Variants in MYRIP observed in about 807,000 individuals in gnomAD.
The protein encoded by MYRIP is myosin VIIA and Rab interacting protein.
A neutral mutation model predicts 98.0 loss-of-function variants in MYRIP; 49 were observed. The observed-to-expected ratio is 0.50, with a 90% CI of 0.40 to 0.63. The LOEUF (loss-of-function observed/expected upper bound fraction) is 0.63, where lower values mean the gene tolerates loss of function less well. Ranked by LOEUF, MYRIP falls within the 30% of genes least tolerant of loss-of-function variation. The pLI is 0.00. For missense variants in MYRIP, 1,004 were observed against 1,058.2 expected, an observed-to-expected ratio of 0.95 and a Z score of 0.71; for synonymous variants, 404 against 409.5, an observed-to-expected ratio of 0.99 and a Z score of 0.16.
At chr3:39,955,880 A>C (rs545295648) in intron 2 of MYRIP, among the ~76,000 whole-genome samples, 1 of 152,232 alleles carries the variant, frequency 6.6e-6, no homozygotes, top group Non-Finnish European at 1.5e-5. Context: ...TTGCAATCAT[A>C]GTTTCTGATA....
chr3:40,188,706 G>C (rs1951108206), intron 9 of MYRIP, among the ~76,000 whole-genome samples: 1 of 152,190 alleles, frequency 6.6e-6, no homozygotes, highest in South Asian at 2.1e-4. Flanking sequence ...GAACCTGGGA[G>C]GTGAAGGTTG....
chr3:40,230,186 G>T (rs1221127113), intron 11 of MYRIP, among the ~76,000 whole-genome samples: 1 of 152,078 alleles, frequency 6.6e-6, no homozygotes, highest in Non-Finnish European at 1.5e-5. Flanking sequence ...ACCCATATTT[G>T]ATTTCCCTTA....
chr3:40,117,387 C>T (rs66879105), intron 3 of MYRIP, among the ~76,000 whole-genome samples: 35,156 of 152,104 alleles, frequency 0.23, 4,424 homozygotes, highest in East Asian at 0.36. Flanking sequence ...CACAACCTCC[C>T]CCCTTTTAAA....
rs1946003455 is a variant in MYRIP, at chr3:39,985,241, A to G, written c.111-58809A>G. 2.0e-5 allele frequency among the ~76,000 whole-genome samples: 3 copies of G among 147,590 alleles called. No individual in the cohort carries two copies. In the South Asian group the frequency reaches 6.6e-4, roughly 33 times the overall value. On this transcript the variant is annotated intron_variant, in intron 2 of 16. Transcript: ENST00000302541. ...AAGAGAATAAAATACCTAGGAATCC[A>G]ACTTACAAGGGACGTGAAGGACCTC...
At chr3:40,192,309 C>CATATATATATGACATATATATATATAT (rs1322376887) in intron 10 of MYRIP, among the ~76,000 whole-genome samples, 1,137 of 57,796 alleles carry the variant, frequency 0.02, 169 homozygotes, top group Middle Eastern at 0.027. Flanking sequence ...TAGTTTTCTT[C>CATATATATATGACATATATATATATAT]ATATATATAT....
chr3:40,151,141 C>T lies in MYRIP; in HGVS notation c.426C>T (p.Tyr142=), dbSNP rs753830618. The T allele has an allele frequency of 6.2e-7, 1 of 1,611,098 alleles. No homozygotes were observed. Among genetic ancestry groups the T allele is most frequent in the South Asian group, 1.1e-5 (1 of 90,566 alleles). ...GTGCCAAGGTTCTGAAGAACCTGTA[C>T]AGGAAGCACCGGCTGGAGAGTGGCG... ...FGSAKVLKNL[Y]RKHRLESGAC... Residue 142 remains tyrosine (Y), a synonymous_variant, in exon 4 of 17, where the codon TAC becomes TAT. Transcript: ENST00000302541.
chr3:40,187,275 G>C (rs990045959), intron 9 of MYRIP, among the ~76,000 whole-genome samples: 6 of 152,180 alleles, frequency 3.9e-5, no homozygotes, highest in African/African-American at 9.7e-5. Context: ...TGACCCCACT[G>C]TTGGACAAGG....
chr3:40,043,421 T>C (rs1402013760), intron 2 of MYRIP, among the ~76,000 whole-genome samples: 2 of 152,124 alleles, frequency 1.3e-5, no homozygotes, highest in Non-Finnish European at 2.9e-5. Context: ...GAGAAGTGTA[T>C]GCACCGTTAT....
At chr3:39,870,037 G>T (rs985980281) in intron 1 of MYRIP, among the ~76,000 whole-genome samples, 6 of 152,144 alleles carry the variant, frequency 3.9e-5, no homozygotes, top group African/African-American at 9.7e-5. Context: ...GAGGCCTGAA[G>T]CACACAGTAT....
At chr3:39,936,553 T>C (rs899265401) in intron 2 of MYRIP, among the ~76,000 whole-genome samples, 1 of 152,190 alleles carries the variant, frequency 6.6e-6, no homozygotes, top group East Asian at 1.9e-4. Context: ...ATGATGCCTC[T>C]CTGAGAACAT....
chr3:40,218,612 T>TATATATA (rs1553629190), intron 11 of MYRIP, among the ~76,000 whole-genome samples: 8 of 13,564 alleles, frequency 5.9e-4, no homozygotes, highest in African/African-American at 8.8e-4. Context: ...TATATATATT[T>TATATATA]TATATATATA....
intron 2 of MYRIP, among the ~76,000 whole-genome samples, chr3:40,022,053 A>G (rs888578428): frequency 1.2e-4 from 18 of 152,330 alleles, no homozygotes; most frequent in African/African-American, 3.8e-4. Flanking sequence ...TGTTTTTTAC[A>G]GTGTTAGAAG....
intron 1 of MYRIP, among the ~76,000 whole-genome samples, chr3:39,841,074 T>C (rs1353523786): frequency 2.6e-5 from 4 of 152,188 alleles, no homozygotes; most frequent in Non-Finnish European, 5.9e-5. Context: ...CGGTTCCATT[T>C]TCCCCGTCAC....
chr3:40,086,594 T>C (rs1302868573), intron 3 of MYRIP, among the ~76,000 whole-genome samples: 1 of 152,168 alleles, frequency 6.6e-6, no homozygotes, highest in African/African-American at 2.4e-5. Context: ...ACCTGCCTCC[T>C]GCCTCACACT....
chr3:40,244,562 C>T lies in MYRIP; in HGVS notation c.2217C>T (p.Asp739=), dbSNP rs201984404. The T allele has an allele frequency of 5.7e-5, 92 of 1,613,954 alleles. No individual in the cohort carries two copies. The East Asian group carries it at 1.6e-3, about 27-fold the overall frequency. ...AGACCCATCTGGCGGATCTGGAGGACCAGGTGGCCACGGCTGCAGCCCAAG... is the reference window on the plus strand; with the variant it reads ...AGACCCATCTGGCGGATCTGGAGGATCAGGTGGCCACGGCTGCAGCCCAAG... ...TDETHLADLE[D]QVATAAAQVH... is the part of the protein sequence containing the mutation. Residue 739 remains aspartate (D), a synonymous_variant, in exon 13 of 17, where the codon GAC becomes GAT. Coordinates refer to ENST00000302541, the MANE Select transcript of MYRIP (RefSeq NM_015460.4).
chr3:40,172,217 C>G (rs1404572943), intron 8 of MYRIP, among the ~76,000 whole-genome samples: 2 of 152,106 alleles, frequency 1.3e-5, no homozygotes, highest in South Asian at 2.1e-4. Context: ...TAAATAACAA[C>G]AACAAAAACA....
chr3:39,865,030 T>C (rs2125622994), intron 1 of MYRIP, among the ~76,000 whole-genome samples: 1 of 151,996 alleles, frequency 6.6e-6, no homozygotes, highest in East Asian at 1.9e-4. Context: ...TTTGACAAAA[T>C]TAACAAAAGC....
intron 2 of MYRIP, among the ~76,000 whole-genome samples, chr3:39,923,811 T>A (rs545230646): frequency 6.6e-6 from 1 of 152,236 alleles, no homozygotes; most frequent in South Asian, 2.1e-4. Context: ...TTTGATGTTT[T>A]AAATGCATGT....
At chr3:40,103,570 C>A (rs1337023420) in intron 3 of MYRIP, among the ~76,000 whole-genome samples, 1 of 152,142 alleles carries the variant, frequency 6.6e-6, no homozygotes, top group East Asian at 1.9e-4. Context: ...ACCAGCCTGA[C>A]CAACATGGAC....
Sources: allele counts gnomAD v4.1 joint callset (sites outside exome capture counted in the v4.1 genomes callset), GRCh38; gene constraint gnomAD v4.1.1; transcripts MANE v1.5; gene names NCBI Gene and HGNC (gene_info 2026-07-23, HGNC 2026-07-21).